The following CLGN variants were observed in gnomAD, a reference collection of about 807,000 sequenced individuals.
CLGN encodes the protein testis tissue sperm-binding protein Li 79P.
A neutral mutation model predicts 79.1 loss-of-function variants in CLGN; 62 were observed. The ratio of observed to expected loss-of-function variants is 0.78; its 90% CI spans 0.64 to 0.97. The LOEUF is 0.97. Among genes scored for constraint, CLGN ranks in the 50% least tolerant of loss-of-function variants. The pLI, the probability that CLGN is intolerant of heterozygous loss-of-function variation, is 0.00. For missense variants in CLGN, 647 were observed against 715.5 expected, an observed-to-expected ratio of 0.90 and a Z score of 1.09; for synonymous variants, 225 against 224.7, an observed-to-expected ratio of 1.00 and a Z score of -0.01.
At chr4:140,412,257 C>T (rs1330482243) in intron 2 of CLGN, among the ~76,000 whole-genome samples, 1 of 152,080 alleles carries the variant, frequency 6.6e-6, no homozygotes, top group Non-Finnish European at 1.5e-5. Flanking sequence ...ACATATTATT[C>T]CCTTCGGCCC....
In CLGN at chr4:140,412,930, C is replaced by T. The variant is rs1482132869; in HGVS notation, c.144+5G>A. 1.2e-6 allele frequency: 2 copies of T among 1,612,240 alleles called. No individual in the cohort carries two copies. Among genetic ancestry groups the T allele is most frequent in the African/African-American group, 1.3e-5 (1 of 74,980 alleles). On this transcript the variant is annotated splice_donor_5th_base_variant and intron_variant, in intron 2 of 14. Transcript: ENST00000325617. ...AATTTATAACCCATTTCTCAATAAC[C>T]ATACCTCTGAGGAAAGTTCACTTTC...
Position 140,396,162 on chromosome 4 carries a change from TAAC to T in CLGN, c.925_927del (p.Val309del). 6.2e-7 allele frequency: 1 copy of T among 1,614,190 alleles called. No homozygotes were observed. Among genetic ancestry groups the T allele is most frequent in the African/African-American group, 1.3e-5 (1 of 75,052 alleles). ...TCATCATCAAGCCAGCCAGCAGGTT[TAAC>T]AACACTTGAATCTTCTATTTGGGCA... is the stretch of plus-strand genomic sequence containing the variant. On this transcript the variant is annotated inframe_deletion, in exon 9 of 15. Coordinates refer to ENST00000325617, the MANE Select transcript of CLGN (RefSeq NM_004362.3).
intron 5 of CLGN, among the ~76,000 whole-genome samples, chr4:140,405,406 G>C (rs1208904265): frequency 1.3e-5 from 2 of 150,486 alleles, no homozygotes; most frequent in Non-Finnish European, 3.0e-5. Flanking sequence ...GGATGGTCTC[G>C]ATCTCCTGAC....
intron 5 of CLGN, among the ~76,000 whole-genome samples, chr4:140,403,334 G>A (rs892937570): frequency 1.4e-4 from 21 of 152,152 alleles, no homozygotes; most frequent in Non-Finnish European, 2.8e-4. Flanking sequence ...GATGATTAAA[G>A]GATATCATGC....
chr4:140,407,922 T>C (rs1174604350), intron 4 of CLGN, among the ~76,000 whole-genome samples: 2 of 152,096 alleles, frequency 1.3e-5, no homozygotes, highest in Non-Finnish European at 2.9e-5. Context: ...TCACATTACC[T>C]GACTTCAAAT....
At chr4:140,417,757 G>C (rs372567368) in intron 1 of CLGN, among the ~76,000 whole-genome samples, 10 of 149,826 alleles carry the variant, frequency 6.7e-5, no homozygotes, top group Non-Finnish European at 1.5e-4. Flanking sequence ...AATCAATATC[G>C]TGAAAATGGC....
At chr4:140,390,764 T>A in intron 13 of CLGN, 36 bp from the exon 14 acceptor site, 1 of 1,411,198 alleles carries the variant, frequency 7.1e-7, no homozygotes, top group South Asian at 1.3e-5. Context: ...AAAGACTCAA[T>A]AAATTAGAAT....
At chr4:140,392,513 C>T (rs915133807) in intron 12 of CLGN, 73 bp downstream of exon 12, 13 of 1,500,482 alleles carry the variant, frequency 8.7e-6, no homozygotes, top group African/African-American at 7.1e-5. Flanking sequence ...TTTTAAGAAT[C>T]GCTTAATTTA....
At position 140,394,053 on chromosome 4, in the gene CLGN, G is replaced by C. The variant is rs781415802; in HGVS notation, c.1150-12C>G. On this transcript the variant is annotated splice_polypyrimidine_tract_variant and intron_variant, in intron 10 of 14. Transcript: ENST00000325617. ...GGACTCCAGATTCCCTGGAAGAAAA[G>C]TAATTGAAGACATTTTCAAATAAAA... 6.4e-7 allele frequency: 1 copy of C among 1,566,218 alleles called. No homozygotes were observed. The highest frequency in any genetic ancestry group is 8.8e-7 in the Non-Finnish European group (1 of 1,141,352).
intron 1 of CLGN, among the ~76,000 whole-genome samples, chr4:140,421,279 T>A (rs188094706): frequency 6.6e-6 from 1 of 152,150 alleles, no homozygotes. Context: ...TACAAATAAC[T>A]CTTCGAGACC....
At chr4:140,408,089 T>G (rs1729141643) in intron 4 of CLGN, among the ~76,000 whole-genome samples, 1 of 152,112 alleles carries the variant, frequency 6.6e-6, no homozygotes, top group Non-Finnish European at 1.5e-5. Flanking sequence ...AAGGACACCC[T>G]ATTTAATAAA....
chr4:140,416,110 A>G (rs1347632213), intron 1 of CLGN, among the ~76,000 whole-genome samples: 10 of 59,662 alleles, frequency 1.7e-4, no homozygotes, highest in South Asian at 1.3e-3. Context: ...TACTGGGTAC[A>G]TAACGAAATG....
chr4:140,409,188 A>G (rs1729166837), intron 4 of CLGN, among the ~76,000 whole-genome samples: 1 of 152,024 alleles, frequency 6.6e-6, no homozygotes, highest in Non-Finnish European at 1.5e-5. Context: ...TACCACTATC[A>G]GTCACTGTGA....
intron 1 of CLGN, among the ~76,000 whole-genome samples, chr4:140,416,516 G>A (rs1326845717): frequency 6.6e-6 from 1 of 151,762 alleles, no homozygotes. Context: ...ATGATAAAGG[G>A]GATATCACCA....
Position 140,419,370 on chromosome 4 carries a change from G to T in CLGN, c.-9-6283C>A, listed in dbSNP as rs141532729. The stretch of plus-strand genomic sequence containing the variant: ...AAGTATAATAAAAAAAAAATCTAAA[G>T]ATAAAGATGATAGTAGTTATCAAAC... On this transcript the variant is annotated intron_variant, in intron 1 of 14. Transcript: ENST00000325617. Among the ~76,000 whole-genome samples the T allele has an allele frequency of 1.8e-4, 27 of 151,778 alleles. 2 individuals are homozygous for T. The highest frequency in any genetic ancestry group is 6.3e-4 in the African/African-American group (26 of 41,430).
In CLGN at chr4:140,402,079, A is replaced by G. The variant is rs1256044319; in HGVS notation, c.420-13T>C. On this transcript the variant is annotated splice_polypyrimidine_tract_variant and intron_variant, in intron 5 of 14. Coordinates refer to ENST00000325617, the MANE Select transcript of CLGN (RefSeq NM_004362.3). Reference sequence around the variant, plus strand: ...ATTTACTTCATATCTGAATAAAGGGAAAAAGAACCGTACTACTGATAAATA... The same window carrying G: ...ATTTACTTCATATCTGAATAAAGGGGAAAAGAACCGTACTACTGATAAATA... 7.2e-7 allele frequency: 1 copy of G among 1,395,062 alleles called. No homozygotes were observed. The highest frequency in any genetic ancestry group is 2.0e-5 in the Admixed American group (1 of 51,086). The allele number at this position is 1,395,062 out of a possible 1,614,324, so 86.4% of individuals were successfully genotyped here.
rs1464771994 is a variant in CLGN at position 140,389,278 on chromosome 4, T to G, written c.1779A>C (p.Gly593=). The change falls in exon 15 of 15, where the codon GGA becomes GGC. Residue 593 remains glycine (G), a synonymous_variant. Coordinates refer to ENST00000325617, the MANE Select transcript of CLGN (RefSeq NM_004362.3). ...DEMKEADEST[G]SGDGPIKSVR... The stretch of plus-strand genomic sequence containing the variant: ...CTGACTTTATCGGCCCATCTCCAGA[T>G]CCTGTGCTCTCATCTGCTTCTTTCA... The G allele has an allele frequency of 1.2e-6, 2 of 1,612,444 alleles. No homozygotes were observed. Among genetic ancestry groups the G allele is most frequent in the South Asian group, 2.2e-5 (2 of 91,028 alleles).
In CLGN at chr4:140,392,319, T is replaced by A; in HGVS notation, c.1551A>T (p.Gly517=). 1.2e-6 allele frequency: 2 copies of A among 1,613,416 alleles called. No homozygotes were observed. Among genetic ancestry groups the A allele is most frequent in the Non-Finnish European group, 1.7e-6 (2 of 1,179,524 alleles). The change falls in exon 13 of 15, where the codon GGA becomes GGT. Residue 517 remains glycine, a synonymous_variant. Transcript: ENST00000325617. ...CTTCCTTTTCTTCTTGCTCTAGTACTCCTTTTGTTTGTGGTATACATATGT... is the reference window on the plus strand; with the variant it reads ...CTTCCTTTTCTTCTTGCTCTAGTACACCTTTTGTTTGTGGTATACATATGT... ...KTDICIPQTK[G]VLEQEEKEEK... is the part of the protein sequence containing the mutation.
chr4:140,399,461 C>G (rs540152636), intron 7 of CLGN, among the ~76,000 whole-genome samples: 1 of 152,116 alleles, frequency 6.6e-6, no homozygotes, highest in Non-Finnish European at 1.5e-5. Flanking sequence ...ATTATTTCTA[C>G]AGTTTACTTG....
Sources: gnomAD v4.1 joint callset for allele counts (sites outside exome capture counted in the v4.1 genomes callset) on GRCh38, gnomAD v4.1.1 for gene constraint, MANE v1.5 for transcripts, NCBI Gene and HGNC (gene_info 2026-07-23, HGNC 2026-07-21) for gene names.